The following CEP41 variants were observed in gnomAD, a reference collection of about 807,000 sequenced individuals.
CEP41 encodes the protein centrosomal protein of 41 kDa.
In CEP41, 32 loss-of-function variants were observed where a neutral mutation model predicts 44.3. That is an observed-to-expected ratio of 0.72 (90% CI 0.54 to 0.97). The LOEUF (loss-of-function observed/expected upper bound fraction) is 0.97. Ranked by LOEUF, CEP41 falls within the 50% of genes least tolerant of loss-of-function variation. The pLI, the probability that CEP41 is intolerant of heterozygous loss-of-function variation, is 0.00. For missense variants in CEP41, 432 were observed against 455.2 expected (o/e 0.95, Z 0.46); for synonymous variants, 151 against 168.5 (o/e 0.90, Z 0.80).
In CEP41 at chr7:130,394,551, A is replaced by G. The variant is rs1796606678; in HGVS notation, c.*4340T>C. 2 of 454,104 alleles carry G rather than the reference A, an allele frequency of 4.4e-6. No individual in the cohort carries two copies. The highest frequency in any genetic ancestry group is 8.8e-6 in the Non-Finnish European group (2 of 226,792). 28.1% of individuals were successfully genotyped at this position (454,104 alleles called of 1,614,324 possible). A position where few individuals can be genotyped will look rare whatever the true frequency, so the allele number is the denominator to read the frequency against. ...CTTTAAGCCTGGCAGAGACAGGGTA[A>G]TAACACCCCCAGCAGCTCTCTGGGT... On this transcript the variant is annotated 3_prime_UTR_variant, in exon 11 of 11. Transcript: ENST00000223208.
intron 1 of CEP41, among the ~76,000 whole-genome samples, chr7:130,433,876 A>T (rs1797891181): frequency 6.6e-6 from 1 of 152,214 alleles, no homozygotes; most frequent in African/African-American, 2.4e-5. Flanking sequence ...TACCTGCCAA[A>T]TGAAGACCTG....
Position 130,396,961 on chromosome 7 carries a change from G to A in CEP41, c.*1930C>T. The A allele has an allele frequency of 2.2e-6, 1 of 454,150 alleles. No homozygotes were observed. The highest frequency in any genetic ancestry group is 1.6e-5 in the South Asian group (1 of 64,340). 28.1% of individuals were successfully genotyped at this position (454,150 alleles called of 1,614,324 possible). A position where few individuals can be genotyped will look rare whatever the true frequency, so the allele number is the denominator to read the frequency against. On this transcript the variant is annotated 3_prime_UTR_variant, in exon 11 of 11. Transcript: ENST00000223208. ...CCATTTACTTTCAAAATAGAATCCG[G>A]CAGGGAAGTCTCAACTCCTGACAAG...
In CEP41 at chr7:130,397,551, ACT is replaced by A. The variant is rs1491010700; in HGVS notation, c.*1338_*1339del. On this transcript the variant is annotated 3_prime_UTR_variant, in exon 11 of 11. Coordinates refer to ENST00000223208, the MANE Select transcript of CEP41 (RefSeq NM_018718.3). ...TTTTTTTTGGTGGCGAGAAAATAGT[ACT>A]GTTAAGGCAAATCTTACCCCGTAGC... is the stretch of plus-strand genomic sequence containing the variant. 10 of 381,696 alleles carry A rather than the reference ACT, an allele frequency of 2.6e-5. No homozygotes were observed. The Admixed American group carries it at 2.7e-4, about 10-fold the overall frequency. The allele number at this position is 381,696 out of a possible 1,614,324, so 23.6% of individuals were successfully genotyped here. A position where few individuals can be genotyped will look rare whatever the true frequency, so the allele number is the denominator to read the frequency against.
chr7:130,399,011 T>C lies in CEP41; in HGVS notation c.1002A>G (p.Gly334=). 1 of 1,614,106 alleles carries C rather than the reference T, an allele frequency of 6.2e-7. No homozygotes were observed. Among genetic ancestry groups the C allele is most frequent in the Non-Finnish European group, 8.5e-7 (1 of 1,180,026 alleles). ...GGGCACCAGGCACCTTGGACTCTCT[T>C]CCGGAGGAGTTAGCTTGGTTCAGTC... ...PSRLNQANSS[G]RESKVPGARS... Residue 334 remains glycine (G), a synonymous_variant, in exon 11 of 11, where the codon GGA becomes GGG. Transcript: ENST00000223208.
chr7:130,421,270 C>T (rs1208751537), intron 2 of CEP41: 2 of 985,256 alleles, frequency 2.0e-6, no homozygotes, highest in Non-Finnish European at 2.4e-6. Context: ...CAGCAGTAAT[C>T]TAAAGTAGAT....
chr7:130,406,921 A>T (rs1554418325), intron 5 of CEP41, among the ~76,000 whole-genome samples: 1 of 151,946 alleles, frequency 6.6e-6, no homozygotes, highest in East Asian at 1.9e-4. Context: ...ATACATATGT[A>T]ACAAACGTGC....
intron 1 of CEP41, 192 bp downstream of exon 1, chr7:130,440,742 A>G (rs923098947): frequency 4.6e-6 from 3 of 654,338 alleles, no homozygotes; most frequent in Admixed American, 5.2e-5. Context: ...TCGCTCCTCA[A>G]AACGGGGTCC....
At chr7:130,412,807 T>G (rs888674985) in intron 3 of CEP41, among the ~76,000 whole-genome samples, 1 of 152,200 alleles carries the variant, frequency 6.6e-6, no homozygotes. Flanking sequence ...ACAGCTGTGA[T>G]TGGTTCTGAT....
At position 130,412,247 on chromosome 7, in the gene CEP41, A is replaced by G. The variant is rs782433713; in HGVS notation, c.146-7T>C. 7.3e-7 allele frequency: 1 copy of G among 1,373,220 alleles called. No homozygotes were observed. The highest frequency in any genetic ancestry group is 1.0e-6 in the Non-Finnish European group (1 of 960,684). The allele number at this position is 1,373,220 out of a possible 1,614,324, so 85.1% of individuals were successfully genotyped here. A position where few individuals can be genotyped will look rare whatever the true frequency, so the allele number is the denominator to read the frequency against. On this transcript the variant is annotated splice_region_variant and splice_polypyrimidine_tract_variant and intron_variant, in intron 3 of 10. Transcript: ENST00000223208. Reference sequence around the variant, plus strand: ...TCTTTTTTGTATCTATAATCTGAAAAATATGGTAAGACAAGTATTTATCTA... The same window carrying G: ...TCTTTTTTGTATCTATAATCTGAAAGATATGGTAAGACAAGTATTTATCTA...
Position 130,394,376 on chromosome 7 carries a change from A to G in CEP41, c.*4515T>C, listed in dbSNP as rs1280412098. 1.5e-5 allele frequency: 7 copies of G among 453,952 alleles called. No individual in the cohort carries two copies. Among genetic ancestry groups the G allele is most frequent in the Non-Finnish European group, 3.1e-5 (7 of 226,810 alleles). 28.1% of individuals were successfully genotyped at this position (453,952 alleles called of 1,614,324 possible). A position where few individuals can be genotyped will look rare whatever the true frequency, so the allele number is the denominator to read the frequency against. On this transcript the variant is annotated 3_prime_UTR_variant, in exon 11 of 11. Transcript: ENST00000223208. ...GGAAATTAAATGGGTCAAAACATAT[A>G]ATGAAGAATCTAGGAGCAAAGTAAG... is the stretch of plus-strand genomic sequence containing the variant.
At chr7:130,431,152 C>T (rs1025114842) in intron 1 of CEP41, among the ~76,000 whole-genome samples, 1 of 151,988 alleles carries the variant, frequency 6.6e-6, no homozygotes, top group African/African-American at 2.4e-5. Flanking sequence ...CACTGCAAGC[C>T]GAGCACCATA....
chr7:130,417,998 C>T (rs1308169155), intron 2 of CEP41, among the ~76,000 whole-genome samples: 1 of 152,120 alleles, frequency 6.6e-6, no homozygotes, highest in Non-Finnish European at 1.5e-5. Flanking sequence ...CTCTGAAACC[C>T]AAAATACATT....
intron 5 of CEP41, among the ~76,000 whole-genome samples, chr7:130,408,385 C>G (rs1381675420): frequency 1.3e-5 from 2 of 151,952 alleles, no homozygotes. Flanking sequence ...AGAACTCTCA[C>G]AAACCAATAA....
chr7:130,402,876 A>G, intron 6 of CEP41, 77 bp from the exon 7 acceptor site: 1 of 1,401,312 alleles, frequency 7.1e-7, no homozygotes, highest in Non-Finnish European at 1.0e-6. Context: ...TCTTCAGAAT[A>G]GTGAGGTGAG....
At chr7:130,440,007 G>A (rs1169716616) in intron 1 of CEP41, among the ~76,000 whole-genome samples, 7 of 152,030 alleles carry the variant, frequency 4.6e-5, no homozygotes, top group Non-Finnish European at 1.0e-4. Context: ...TTCACTAGAC[G>A]CAATTTATTT....
intron 5 of CEP41, among the ~76,000 whole-genome samples, chr7:130,406,011 C>T (rs1411719614): frequency 7.2e-5 from 11 of 152,000 alleles, no homozygotes; most frequent in East Asian, 3.9e-4. Context: ...AAAACAACGA[C>T]GTTCTCAGCA....
rs1796607298 is a variant in CEP41, at chr7:130,394,570, T to A, written c.*4321A>T. ...AGGGTAATAACACCCCCAGCAGCTCTCTGGGTACTTCCTGTAGAGGGAGAT... is the reference window on the plus strand; with the variant it reads ...AGGGTAATAACACCCCCAGCAGCTCACTGGGTACTTCCTGTAGAGGGAGAT... On this transcript the variant is annotated 3_prime_UTR_variant, in exon 11 of 11. Transcript: ENST00000223208. The A allele has an allele frequency of 2.2e-6, 1 of 453,930 alleles. No homozygotes were observed. Among genetic ancestry groups the A allele is most frequent in the Admixed American group, 2.3e-5 (1 of 42,556 alleles). 28.1% of individuals were successfully genotyped at this position (453,930 alleles called of 1,614,324 possible).
Position 130,398,755 on chromosome 7 carries a change from A to C in CEP41, c.*136T>G, listed in dbSNP as rs148305542. ...GAGGGGAGAGGAACTGGAGACAGGGACAGGGAAGAGGCCTATCCCATACAT... is the reference window on the plus strand; with the variant it reads ...GAGGGGAGAGGAACTGGAGACAGGGCCAGGGAAGAGGCCTATCCCATACAT... On this transcript the variant is annotated 3_prime_UTR_variant, in exon 11 of 11. Coordinates refer to ENST00000223208, the MANE Select transcript of CEP41 (RefSeq NM_018718.3). 6.9e-4 allele frequency: 723 copies of C among 1,046,858 alleles called. 4 individuals carry two copies. The African/African-American group carries it at 9.2e-3, about 13-fold the overall frequency. 64.8% of individuals were successfully genotyped at this position (1,046,858 alleles called of 1,614,324 possible).
intron 1 of CEP41, among the ~76,000 whole-genome samples, chr7:130,432,724 C>T (rs562537588): frequency 6.6e-6 from 1 of 151,728 alleles, no homozygotes; most frequent in East Asian, 1.9e-4. Flanking sequence ...CCTGCCATTG[C>T]AATCCAGCCT....
Sources: gnomAD v4.1 joint callset for allele counts (sites outside exome capture counted in the v4.1 genomes callset) on GRCh38, gnomAD v4.1.1 for gene constraint, MANE v1.5 for transcripts, NCBI Gene and HGNC (gene_info 2026-07-23, HGNC 2026-07-21) for gene names.